DMD: variants seen among roughly 807,000 people sequenced by gnomAD.
DMD encodes mutant dystrophin.
In DMD, 63 loss-of-function variants were observed where a neutral mutation model predicts 330.1. The ratio of observed to expected loss-of-function variants is 0.19; its 90% CI spans 0.16 to 0.24. DMD has a LOEUF of 0.24. Among genes scored for constraint, DMD ranks in the 10% least tolerant of loss-of-function variants. The pLI, the probability that DMD is intolerant of heterozygous loss-of-function variation, is 1.00. For missense variants in DMD, 3,344 were observed against 2,684.1 expected (o/e 1.25, Z -5.43); for synonymous variants, 1,223 against 959.8 (o/e 1.27, Z -5.07).
intron 7 of DMD, among the ~76,000 whole-genome samples, chrX:32,714,070 A>T (rs2065444631): frequency 8.9e-6 from 1 of 111,897 alleles, no homozygotes. Context: ...TACTCAAAGT[A>T]CGGTTTCTAC....
At chrX:32,745,264 C>G (rs759364462) in intron 7 of DMD, among the ~76,000 whole-genome samples, 2 of 112,234 alleles carry the variant, frequency 1.8e-5, no homozygotes, top group South Asian at 7.4e-4. Flanking sequence ...CACCCCCATA[C>G]AAATGCTCTA....
chrX:32,786,084 A>AGAGT (rs1414581979), intron 7 of DMD, among the ~76,000 whole-genome samples: 3 of 81,829 alleles, frequency 3.7e-5, no homozygotes, highest in African/African-American at 2.0e-4. Context: ...AGGAGGAATA[A>AGAGT]GAGTGTGTGT....
intron 7 of DMD, among the ~76,000 whole-genome samples, chrX:32,707,896 A>G (rs1179835100): frequency 8.9e-6 from 1 of 111,751 alleles, no homozygotes; most frequent in Non-Finnish European, 1.9e-5. Flanking sequence ...AGATGAAAGT[A>G]TTTTGACTCA....
At chrX:31,449,379 T>A (rs893944930) in intron 59 of DMD, among the ~76,000 whole-genome samples, 1 of 111,298 alleles carries the variant, frequency 9.0e-6, no homozygotes, top group African/African-American at 3.3e-5. Context: ...AGGTTCAACA[T>A]TTTTTAGCAG....
chrX:31,140,318 CT>C (rs202080822), intron 76 of DMD, among the ~76,000 whole-genome samples: 2 of 112,109 alleles, frequency 1.8e-5, no homozygotes, highest in Non-Finnish European at 3.8e-5. Flanking sequence ...ATTATTTTCT[CT>C]TTTTTTTAAA....
intron 41 of DMD, among the ~76,000 whole-genome samples, chrX:32,316,849 T>A (rs1225111324): frequency 9.0e-6 from 1 of 111,082 alleles, no homozygotes; most frequent in Non-Finnish European, 1.9e-5. Flanking sequence ...ATTGACACAG[T>A]CATGCGAATC....
intron 7 of DMD, among the ~76,000 whole-genome samples, chrX:32,771,144 T>A (rs1256500606): frequency 8.9e-6 from 1 of 112,243 alleles, no homozygotes; most frequent in Non-Finnish European, 1.9e-5. Context: ...ATATTAATTT[T>A]GATTACAAAG....
chrX:32,674,076 T>A (rs1227025406), intron 9 of DMD, among the ~76,000 whole-genome samples: 1 of 112,088 alleles, frequency 8.9e-6, no homozygotes, highest in Non-Finnish European at 1.9e-5. Flanking sequence ...GATATCATGA[T>A]GAAGACAAGT....
rs181620975 is a variant in DMD at position 32,009,734 on chromosome X, G to A, written c.6439-41220C>T. Among the ~76,000 whole-genome samples the A allele has an allele frequency of 3.9e-4, 43 of 111,538 alleles. No homozygotes were observed. The East Asian group carries it at 8.5e-3, about 22-fold the overall frequency. ...AAAGAGGTTGCTACAGAGTTCCAGG[G>A]TATTATAATCATTATTAATTGCAGT... is the stretch of plus-strand genomic sequence containing the variant. On this transcript the variant is annotated intron_variant, in intron 44 of 78. Coordinates refer to ENST00000357033, the MANE Select transcript of DMD (RefSeq NM_004006.3).
intron 11 of DMD, among the ~76,000 whole-genome samples, chrX:32,634,576 C>A (rs1386921949): frequency 1.8e-5 from 2 of 111,694 alleles, no homozygotes; most frequent in Non-Finnish European, 1.9e-5. Flanking sequence ...GGACGGGGTC[C>A]TTCTCTTCAA....
chrX:31,194,204 A>G (rs929105588), intron 67 of DMD, among the ~76,000 whole-genome samples: 1 of 111,345 alleles, frequency 9.0e-6, no homozygotes, highest in African/African-American at 3.3e-5. Context: ...CAATGTCATG[A>G]AAGGAAAACA....
intron 21 of DMD, among the ~76,000 whole-genome samples, chrX:32,478,571 G>A (rs776496161): frequency 8.9e-6 from 1 of 111,833 alleles, no homozygotes; most frequent in African/African-American, 3.2e-5. Flanking sequence ...AATTACAAGT[G>A]CAAGGAAGTC....
chrX:33,295,344 T>C (rs2148933289), intron 1 of DMD, among the ~76,000 whole-genome samples: 1 of 110,730 alleles, frequency 9.0e-6, no homozygotes, highest in East Asian at 2.8e-4. Flanking sequence ...AGCTTGAAAC[T>C]GGATGTGGTT....
intron 1 of DMD, among the ~76,000 whole-genome samples, chrX:33,020,712 C>T (rs1347660880): frequency 1.8e-5 from 2 of 111,289 alleles, no homozygotes; most frequent in East Asian, 2.8e-4. Flanking sequence ...TATGACCAAA[C>T]CCATAGTCGT....
intron 44 of DMD, among the ~76,000 whole-genome samples, chrX:32,055,006 C>T (rs1019900283): frequency 3.6e-5 from 4 of 111,003 alleles, no homozygotes; most frequent in Non-Finnish European, 7.6e-5. Flanking sequence ...ACGTTAAGAA[C>T]GAACTTTGGA....
intron 16 of DMD, among the ~76,000 whole-genome samples, chrX:32,562,641 A>T (rs896296505): frequency 3.5e-5 from 4 of 112,714 alleles, no homozygotes; most frequent in Admixed American, 1.9e-4. Flanking sequence ...CATTATAGAA[A>T]ATGTACATAC....
chrX:31,392,916 G>A (rs1183347082), intron 60 of DMD, among the ~76,000 whole-genome samples: 1 of 111,910 alleles, frequency 8.9e-6, no homozygotes, highest in Non-Finnish European at 1.9e-5. Context: ...TATAAAGAGT[G>A]CATGCAAAAT....
At chrX:32,207,027 T>C (rs781241372) in intron 44 of DMD, among the ~76,000 whole-genome samples, 4 of 111,866 alleles carry the variant, frequency 3.6e-5, no homozygotes, top group African/African-American at 9.7e-5. Context: ...AGTATACATG[T>C]AAAATAAAAG....
chrX:31,528,312 A>C (rs2073406058), intron 55 of DMD, among the ~76,000 whole-genome samples: 1 of 112,353 alleles, frequency 8.9e-6, no homozygotes, highest in South Asian at 3.7e-4. Context: ...TTCCACTGAC[A>C]AGTAATTTGA....
Sources: gnomAD v4.1 joint callset for allele counts (sites outside exome capture counted in the v4.1 genomes callset) on GRCh38, gnomAD v4.1.1 for gene constraint, MANE v1.5 for transcripts, NCBI Gene and HGNC (gene_info 2026-07-23, HGNC 2026-07-21) for gene names.